Variants in ITGAD observed in about 807,000 individuals in gnomAD.
ITGAD encodes integrin alpha-D.
ITGAD carries 105 observed loss-of-function variants against 139.0 expected under a neutral mutation model. That is an observed-to-expected ratio of 0.76 (90% CI 0.65 to 0.89). The LOEUF (loss-of-function observed/expected upper bound fraction) is 0.89, where lower values mean the gene tolerates loss of function less well. ITGAD is among the 40% of genes least tolerant of loss of function. ITGAD has a pLI of 0.00. For missense variants in ITGAD, 1,384 were observed against 1,487.3 expected (o/e 0.93, Z 1.14); for synonymous variants, 569 against 598.3 (o/e 0.95, Z 0.71).
At chr16:31,406,705 A>G (rs1300866336) in intron 7 of ITGAD, among the ~76,000 whole-genome samples, 1 of 152,094 alleles carries the variant, frequency 6.6e-6, no homozygotes, top group African/African-American at 2.4e-5. Context: ...AAAAGTGCAA[A>G]AGCCGAAGAA....
Position 31,410,914 on chromosome 16 carries a change from G to A in ITGAD, c.1356+36G>A, listed in dbSNP as rs376359530. On this transcript the variant is annotated intron_variant, in intron 12 of 29. Coordinates refer to ENST00000389202, the MANE Select transcript of ITGAD (RefSeq NM_005353.3). ...ACAGGAGCCAGAGGGGAGGATGAGGGTGGGGAGGATGAGGGTGGGGACAGT... is the reference window on the plus strand; with the variant it reads ...ACAGGAGCCAGAGGGGAGGATGAGGATGGGGAGGATGAGGGTGGGGACAGT... 2.6e-4 allele frequency: 414 copies of A among 1,607,580 alleles called. 3 individuals carry two copies. The South Asian group carries it at 4.3e-3, about 17-fold the overall frequency.
chr16:31,414,027 C>T (rs1035471265), intron 16 of ITGAD, among the ~76,000 whole-genome samples: 11 of 152,186 alleles, frequency 7.2e-5, no homozygotes, highest in African/African-American at 1.9e-4. Context: ...ATCTATCTAG[C>T]TAGCTAATCT....
At chr16:31,410,652 TG>T (rs1409237819) in intron 11 of ITGAD, 83 bp from the exon 12 acceptor site, 2 of 683,834 alleles carry the variant, frequency 2.9e-6, no homozygotes, top group East Asian at 1.3e-4. Flanking sequence ...GGAGGGGAGA[TG>T]GGGGCTGCGC....
In ITGAD at chr16:31,418,080, GC is replaced by G. The variant is rs1313843131; in HGVS notation, c.2509del (p.His837IlefsTer19). On this transcript the variant is annotated frameshift_variant, in exon 21 of 30. Coordinates refer to ENST00000389202, the MANE Select transcript of ITGAD (RefSeq NM_005353.3). LOFTEE classifies it high-confidence loss of function. ...AATTCATTCTCCTCCCCTAGAAGCA[GC>G]CCCATCAGAGTGCCCTGCGCCTGGC... ...HRRVSGAQKQ[P>X]HQSALRLACE... The G allele has an allele frequency of 1.2e-6, 2 of 1,613,826 alleles. No homozygotes were observed. Among genetic ancestry groups the G allele is most frequent in the African/African-American group, 2.7e-5 (2 of 75,026 alleles).
chr16:31,407,478 C>T, intron 7 of ITGAD, 37 bp from the exon 8 acceptor site: 5 of 1,529,188 alleles, frequency 3.3e-6, no homozygotes, highest in Non-Finnish European at 8.8e-7. Context: ...GAATCAATCA[C>T]ATCTCAGTAG....
intron 18 of ITGAD, 45 bp from the exon 19 acceptor site, chr16:31,416,168 A>C: frequency 6.7e-7 from 1 of 1,485,216 alleles, no homozygotes; most frequent in African/African-American, 1.4e-5. Context: ...GCTTGGAGAA[A>C]GACTAAGATG....
At chr16:31,399,771 G>C (rs186156154) in intron 5 of ITGAD, among the ~76,000 whole-genome samples, 1 of 152,166 alleles carries the variant, frequency 6.6e-6, no homozygotes, top group Non-Finnish European at 1.5e-5. Flanking sequence ...CAAGTAGAAG[G>C]GACCAGGGTC....
chr16:31,426,008 C>T lies in ITGAD; in HGVS notation c.3373-7C>T, dbSNP rs1192690836. 1 of 1,602,058 alleles carries T rather than the reference C, an allele frequency of 6.2e-7. No individual in the cohort carries two copies. Among genetic ancestry groups the T allele is most frequent in the South Asian group, 1.1e-5 (1 of 90,826 alleles). ...ACCCAGCTTTTCTAATTTATTTCCCCTGATAGCTTGGCTTCTTCAAACGCC... is the reference window on the plus strand; with the variant it reads ...ACCCAGCTTTTCTAATTTATTTCCCTTGATAGCTTGGCTTCTTCAAACGCC... On this transcript the variant is annotated splice_region_variant and splice_polypyrimidine_tract_variant and intron_variant, in intron 29 of 29. Transcript: ENST00000389202.
In ITGAD at chr16:31,424,569, C is replaced by A; in HGVS notation, c.3364C>A (p.Leu1122Met). ...LLLLALITAT[L>M]YKLGFFKRHY... ...ACTGCTGGCGCTCATCACAGCCACA[C>A]TGTACAAGGCAAGTGTTTTATCCAA... is the stretch of plus-strand genomic sequence containing the variant. Residue 1122 changes from leucine (L) to methionine (M), a missense_variant, in exon 29 of 30, where the codon CTG becomes ATG. By Grantham distance (15) the Leu-to-Met change is conservative. Transcript: ENST00000389202. 1 of 1,580,684 alleles carries A rather than the reference C, an allele frequency of 6.3e-7. No homozygotes were observed. Among genetic ancestry groups the A allele is most frequent in the Non-Finnish European group, 8.6e-7 (1 of 1,165,608 alleles).
chr16:31,394,326 A>C lies in ITGAD; in HGVS notation c.122A>C (p.Gln41Pro). ...DAGGFGQSVV[Q>P]FGGSRLVVGA... ...GGCGGCTTTGGGCAGAGCGTGGTGC[A>C]GTTCGGTGGATCTCGGTAGGCCCCA... The change falls in exon 2 of 30, where the codon CAG (glutamine) becomes CCG (proline). Residue 41 changes from glutamine (Q) to proline (P), a missense_variant. Transcript: ENST00000389202. The C allele has an allele frequency of 6.2e-7, 1 of 1,612,852 alleles. No homozygotes were observed. Among genetic ancestry groups the C allele is most frequent in the African/African-American group, 1.3e-5 (1 of 74,840 alleles).
Position 31,412,930 on chromosome 16 carries a change from C to T in ITGAD, c.1800C>T (p.Asp600=), listed in dbSNP as rs146670304. 1.3e-5 allele frequency: 21 copies of T among 1,612,098 alleles called. No individual in the cohort carries two copies. Among genetic ancestry groups the T allele is most frequent in the Non-Finnish European group, 1.6e-5 (19 of 1,179,098 alleles). The change falls in exon 15 of 30, where the codon GAC becomes GAT. Residue 600 remains aspartate (D), a synonymous_variant. Coordinates refer to ENST00000389202, the MANE Select transcript of ITGAD (RefSeq NM_005353.3). ...GQDLTQDGLM[D]LAVGARGQVL... ...ACCTCACCCAGGATGGACTGATGGACCTGGCCGTGGGGGCCCGGGGCCAGG... is the reference window on the plus strand; with the variant it reads ...ACCTCACCCAGGATGGACTGATGGATCTGGCCGTGGGGGCCCGGGGCCAGG...
At chr16:31,413,290 A>G (rs1318764245) in intron 16 of ITGAD, 44 bp downstream of exon 16, 2 of 1,602,306 alleles carry the variant, frequency 1.2e-6, no homozygotes, top group East Asian at 2.2e-5. Context: ...TCATTCCATT[A>G]GGGGCCCCAA....
chr16:31,400,752 C>T (rs540566128), intron 5 of ITGAD, among the ~76,000 whole-genome samples: 12 of 152,214 alleles, frequency 7.9e-5, no homozygotes, highest in East Asian at 5.8e-4. Flanking sequence ...TTACAGGCAC[C>T]GCCACCATGC....
chr16:31,397,765 G>T (rs758486415), intron 4 of ITGAD, 30 bp from the exon 5 acceptor site: 3 of 1,601,186 alleles, frequency 1.9e-6, no homozygotes, highest in Non-Finnish European at 2.6e-6. Context: ...GGCTGCTAGG[G>T]ACTCCTGGCT....
intron 18 of ITGAD, 93 bp downstream of exon 18, chr16:31,415,084 A>G (rs1194605250): frequency 6.9e-7 from 1 of 1,450,410 alleles, no homozygotes; most frequent in Non-Finnish European, 9.5e-7. Context: ...ACCCAACCAC[A>G]TCCAGTCCAG....
intron 1 of ITGAD, 24 bp downstream of exon 1, chr16:31,393,415 G>A: frequency 6.2e-7 from 1 of 1,613,798 alleles, no homozygotes; most frequent in East Asian, 2.2e-5. Flanking sequence ...GGGTGCTGGG[G>A]AGAAGCTTGG....
At chr16:31,394,130 C>CA (rs943198130) in intron 1 of ITGAD, 106 bp from the exon 2 acceptor site, 15,723 of 415,360 alleles carry the variant, frequency 0.038, 196 homozygotes, top group African/African-American at 0.12. Context: ...GACTCCATCT[C>CA]AAAAAAAAAA....
chr16:31,425,140 C>G (rs916159084), intron 29 of ITGAD, among the ~76,000 whole-genome samples: 1 of 150,442 alleles, frequency 6.6e-6, no homozygotes, highest in African/African-American at 2.4e-5. Flanking sequence ...GGCACAATCT[C>G]AGCTCACTGC....
At chr16:31,414,666 C>T (rs952304867) in intron 17 of ITGAD, 61 bp downstream of exon 17, 1 of 1,601,102 alleles carries the variant, frequency 6.2e-7, no homozygotes, top group Non-Finnish European at 8.5e-7. Flanking sequence ...GCCTGGAGCA[C>T]CCCCGTTCTC....
Sources: allele counts gnomAD v4.1 joint callset (sites outside exome capture counted in the v4.1 genomes callset), GRCh38; gene constraint gnomAD v4.1.1; transcripts MANE v1.5; gene names NCBI Gene and HGNC (gene_info 2026-07-23, HGNC 2026-07-21).